MTHFD1: variants seen among roughly 807,000 people sequenced by gnomAD.
MTHFD1 encodes C-1-tetrahydrofolate synthase, cytoplasmic.
Under a neutral mutation model 110.3 loss-of-function variants are expected in MTHFD1, and 44 were observed. That is an observed-to-expected ratio of 0.40 (90% confidence interval 0.31 to 0.51). MTHFD1 has a LOEUF of 0.51. Ranked by LOEUF, MTHFD1 falls within the 20% of genes least tolerant of loss-of-function variation. MTHFD1 has a pLI of 0.60. For synonymous variants in MTHFD1, 402 were observed against 428.8 expected (o/e 0.94, Z 0.77); for missense variants, 909 against 1,173.1 (o/e 0.77, Z 3.29).
intron 18 of MTHFD1, chr14:64,441,156 C>T: frequency 2.0e-6 from 1 of 492,490 alleles, no homozygotes; most frequent in South Asian, 1.9e-5. Context: ...TGCACCACTG[C>T]ACTCCAGCCT....
intron 15 of MTHFD1, 29 bp from the exon 16 acceptor site, chr14:64,435,540 T>C (rs773440032): frequency 6.9e-7 from 1 of 1,442,886 alleles, no homozygotes; most frequent in Non-Finnish European, 9.8e-7. Flanking sequence ...TTTGTCTTAT[T>C]TTATGTTTTC....
chr14:64,408,393 A>T (rs1424965064), intron 2 of MTHFD1, among the ~76,000 whole-genome samples: 3 of 145,816 alleles, frequency 2.1e-5, no homozygotes, highest in African/African-American at 7.7e-5. Context: ...GGTTCAAGGG[A>T]TTCTCCTGCC....
At chr14:64,394,409 G>A (rs188569484) in intron 1 of MTHFD1, among the ~76,000 whole-genome samples, 15 of 152,272 alleles carry the variant, frequency 9.9e-5, no homozygotes, top group Admixed American at 7.2e-4. Flanking sequence ...CCTTTCCATT[G>A]TGAGGAAATC....
chr14:64,450,465 A>G (rs1430894209), intron 24 of MTHFD1, among the ~76,000 whole-genome samples: 1 of 152,182 alleles, frequency 6.6e-6, no homozygotes. Context: ...ATCACTAAGC[A>G]AATTAAATTA....
chr14:64,448,252 G>C lies in MTHFD1; in HGVS notation c.2214G>C (p.Leu738Phe). ...TGGTTGAAAAAGGCTTCAGTAACTT[G>C]AAGAAACAAATTGAAAATGCCAGAA... is the stretch of plus-strand genomic sequence containing the variant. The part of the protein sequence containing the change: ...LELVEKGFSN[L>F]KKQIENARMF... The change falls in exon 23 of 28, where the codon TTG becomes TTC. Residue 738 changes from leucine to phenylalanine, a missense_variant. Leu to Phe is a conservative substitution (Grantham distance 22). Around this residue, in one of 3 missense-constraint regions of MTHFD1, gnomAD observed 482 missense variants for 646.0 expected, o/e 0.75. Coordinates refer to ENST00000652337, the MANE Select transcript of MTHFD1 (RefSeq NM_005956.4). The C allele has an allele frequency of 6.2e-7, 1 of 1,614,172 alleles. No homozygotes were observed. Among genetic ancestry groups the C allele is most frequent in the Non-Finnish European group, 8.5e-7 (1 of 1,179,996 alleles).
chr14:64,411,535 T>A (rs1378924502), intron 3 of MTHFD1, among the ~76,000 whole-genome samples: 2 of 152,254 alleles, frequency 1.3e-5, no homozygotes, highest in Middle Eastern at 3.2e-3. Flanking sequence ...CACGTTTTCA[T>A]GTAAGAGGTG....
At chr14:64,394,650 G>A (rs1162608529) in intron 1 of MTHFD1, among the ~76,000 whole-genome samples, 1 of 151,956 alleles carries the variant, frequency 6.6e-6, no homozygotes, top group African/African-American at 2.4e-5. Flanking sequence ...TCTGTGAAAG[G>A]TTTTGCCAGA....
chr14:64,439,880 C>T (rs916395401), intron 17 of MTHFD1, among the ~76,000 whole-genome samples: 16 of 128,846 alleles, frequency 1.2e-4, no homozygotes, highest in East Asian at 2.2e-4. Flanking sequence ...GGCAACAGAC[C>T]GAGACTCTGT....
Position 64,458,323 on chromosome 14 carries a change from G to C in MTHFD1, c.*4+16G>C, listed in dbSNP as rs369797412. ...TTCTAAACAGGTAAGTTGTTACTGG[G>C]TAATAATTTGGCTTTTTTCCTCATG... On this transcript the variant is annotated intron_variant, in intron 27 of 27. Coordinates refer to ENST00000652337, the MANE Select transcript of MTHFD1 (RefSeq NM_005956.4). 76 of 1,574,996 alleles carry C rather than the reference G, an allele frequency of 4.8e-5. No homozygotes were observed. The highest frequency in any genetic ancestry group is 6.6e-5 in the Non-Finnish European group (76 of 1,144,580).
intron 22 of MTHFD1, among the ~76,000 whole-genome samples, chr14:64,446,827 C>T (rs140736401): frequency 1.3e-3 from 199 of 152,270 alleles, no homozygotes; most frequent in Admixed American, 2.9e-3. Context: ...CAGGCATGAG[C>T]CACCACGCCC....
chr14:64,439,765 G>A (rs550919655), intron 17 of MTHFD1, among the ~76,000 whole-genome samples: 17 of 151,706 alleles, frequency 1.1e-4, no homozygotes, highest in South Asian at 2.1e-4. Context: ...ATGGTGGCAC[G>A]CGCCTGTAAT....
At chr14:64,445,767 G>A (rs1485264829) in intron 22 of MTHFD1, among the ~76,000 whole-genome samples, 1 of 152,138 alleles carries the variant, frequency 6.6e-6, no homozygotes, top group African/African-American at 2.4e-5. Context: ...TCTAATTACA[G>A]TGACTGCCCC....
At chr14:64,423,509 C>T (rs10133855) in intron 8 of MTHFD1, among the ~76,000 whole-genome samples, 64,851 of 151,438 alleles carry the variant, frequency 0.43, 15,027 homozygotes, top group Admixed American at 0.57. Flanking sequence ...AGTCTCCTGC[C>T]TCAGCCTCTG....
At chr14:64,452,223 A>G (rs2140985798) in intron 24 of MTHFD1, among the ~76,000 whole-genome samples, 1 of 152,338 alleles carries the variant, frequency 6.6e-6, no homozygotes, top group Non-Finnish European at 1.5e-5. Context: ...TGAACCCGGG[A>G]GGCGGAGGTT....
At chr14:64,408,283 T>A (rs1010082709) in intron 2 of MTHFD1, among the ~76,000 whole-genome samples, 32 of 110,678 alleles carry the variant, frequency 2.9e-4, no homozygotes, top group African/African-American at 9.1e-4. Context: ...GAAATCAGCA[T>A]TCTTTTTTTT....
Position 64,448,263 on chromosome 14 carries a change from T to C in MTHFD1, c.2225T>C (p.Ile742Thr), listed in dbSNP as rs769605752. The C allele has an allele frequency of 1.9e-5, 30 of 1,614,028 alleles. No homozygotes were observed. The highest frequency in any genetic ancestry group is 2.4e-5 in the Non-Finnish European group (28 of 1,180,010). The change falls in exon 23 of 28, where the codon ATT becomes ACT. Residue 742 changes from isoleucine to threonine, a missense_variant. Ile to Thr is a moderately conservative substitution (Grantham distance 89). Around this residue, in one of 3 missense-constraint regions of MTHFD1, gnomAD observed 482 missense variants for 646.0 expected, o/e 0.75. Transcript: ENST00000652337. The part of the protein sequence containing the change: ...EKGFSNLKKQ[I>T]ENARMFGIPV... Reference sequence around the variant, plus strand: ...GGCTTCAGTAACTTGAAGAAACAAATTGAAAATGCCAGAATGTTTGGAATT... The same window carrying C: ...GGCTTCAGTAACTTGAAGAAACAAACTGAAAATGCCAGAATGTTTGGAATT...
rs1566553176 is a variant in MTHFD1, at chr14:64,397,177, A to T, written c.42-3616A>T. On this transcript the variant is annotated intron_variant, in intron 1 of 27. Coordinates refer to ENST00000652337, the MANE Select transcript of MTHFD1 (RefSeq NM_005956.4). ...TATATATATATATATATATATATAT[A>T]TATATATATATATAAAAAACAGTAA... is the stretch of plus-strand genomic sequence containing the variant. Among the ~76,000 whole-genome samples the T allele has an allele frequency of 2.3e-3, 44 of 18,912 alleles. 2 individuals carry two copies. The highest frequency in any genetic ancestry group is 0.012 in the African/African-American group (38 of 3,176). The allele number at this position is 18,912 out of a possible 152,430, so 12.4% of individuals were successfully genotyped here.
At chr14:64,423,243 G>T (rs570611689) in intron 8 of MTHFD1, among the ~76,000 whole-genome samples, 7 of 152,008 alleles carry the variant, frequency 4.6e-5, no homozygotes, top group Non-Finnish European at 8.8e-5. Flanking sequence ...AATATCTTAC[G>T]TATCTGTGGT....
At chr14:64,449,643 A>T in intron 24 of MTHFD1, 21 bp downstream of exon 24, 2 of 1,612,370 alleles carry the variant, frequency 1.2e-6, no homozygotes, top group Non-Finnish European at 1.7e-6. Flanking sequence ...TGCTGTCTGC[A>T]AAAAAAGAAA....
Sources: allele counts gnomAD v4.1 joint callset (sites outside exome capture counted in the v4.1 genomes callset), GRCh38; gene constraint gnomAD v4.1.1; regional missense constraint gnomAD v4.1.1; transcripts MANE v1.5; gene names NCBI Gene and HGNC (gene_info 2026-07-23, HGNC 2026-07-21).